The following BCL11B variants were observed in gnomAD, a reference collection of about 807,000 sequenced individuals.
BCL11B encodes the protein B-cell lymphoma/leukemia 11B.
In BCL11B, 8 loss-of-function variants were observed where a neutral mutation model predicts 49.9. The observed-to-expected ratio is 0.16, with a 90% confidence interval of 0.09 to 0.29. The LOEUF is 0.29. Ranked by LOEUF, BCL11B falls within the 10% of genes least tolerant of loss-of-function variation. BCL11B has a pLI of 1.00. For missense variants in BCL11B, 1,006 were observed against 1,351.0 expected, an observed-to-expected ratio of 0.74 and a Z score of 4.00; for synonymous variants, 739 against 637.4, an observed-to-expected ratio of 1.16 and a Z score of -2.40.
chr14:99,255,417 A>G (rs1889130663), intron 2 of BCL11B, among the ~76,000 whole-genome samples: 2 of 145,926 alleles, frequency 1.4e-5, no homozygotes, highest in South Asian at 2.2e-4. Context: ...AAAAAAAAAA[A>G]AAAAAAAAAA....
chr14:99,176,598 G>A (rs1886541405), intron 3 of BCL11B, among the ~76,000 whole-genome samples: 1 of 152,228 alleles, frequency 6.6e-6, no homozygotes, highest in Non-Finnish European at 1.5e-5. Context: ...CAGCCCTCGA[G>A]GATGCTCCAC....
At chr14:99,209,263 G>C (rs964994908) in intron 3 of BCL11B, among the ~76,000 whole-genome samples, 1 of 152,066 alleles carries the variant, frequency 6.6e-6, no homozygotes, top group Middle Eastern at 3.2e-3. Context: ...GGCTGGGGAG[G>C]GGGTTCCATC....
chr14:99,203,142 A>G (rs1474030059), intron 3 of BCL11B, among the ~76,000 whole-genome samples: 1 of 152,182 alleles, frequency 6.6e-6, no homozygotes, highest in Non-Finnish European at 1.5e-5. Flanking sequence ...CAGATCTGGA[A>G]GGCAAGGGCT....
intron 2 of BCL11B, among the ~76,000 whole-genome samples, chr14:99,255,431 A>AAAAAAC (rs1313654410): frequency 9.0e-6 from 1 of 111,372 alleles, no homozygotes; most frequent in Non-Finnish European, 1.9e-5. Flanking sequence ...AAAAAAAAAA[A>AAAAAAC]AAAACAGGGG....
At chr14:99,263,657 C>T (rs1226144060) in intron 1 of BCL11B, among the ~76,000 whole-genome samples, 1 of 152,238 alleles carries the variant, frequency 6.6e-6, no homozygotes, top group African/African-American at 2.4e-5. Context: ...GAAAAATATC[C>T]TCAGTTGCTC....
chr14:99,184,414 G>A lies in BCL11B; in HGVS notation c.641-8219C>T, dbSNP rs1390991951. Among the ~76,000 whole-genome samples, 5 of 152,288 alleles carry A rather than the reference G, an allele frequency of 3.3e-5. No individual in the cohort carries two copies. The highest frequency in any genetic ancestry group is 4.1e-4 in the South Asian group (2 of 4,828). On this transcript the variant is annotated intron_variant, in intron 3 of 3. Transcript: ENST00000357195. This position sits in a 1 kb window ranked among gnomAD's most constrained non-coding sequence, Gnocchi z 6.1. Reference sequence around the variant, plus strand: ...TGTTCAGCATGGCTACAGCCTGCACGTGCCAATGTTGGCCTTTTGCTGTCA... The same window carrying A: ...TGTTCAGCATGGCTACAGCCTGCACATGCCAATGTTGGCCTTTTGCTGTCA...
In BCL11B at chr14:99,195,506, G is replaced by T. The variant is rs533280504; in HGVS notation, c.641-19311C>A. Among the ~76,000 whole-genome samples, 1 of 152,134 alleles carries T rather than the reference G, an allele frequency of 6.6e-6. No homozygotes were observed. The highest frequency in any genetic ancestry group is 1.9e-4 in the East Asian group (1 of 5,170). On this transcript the variant is annotated intron_variant, in intron 3 of 3. Coordinates refer to ENST00000357195, the MANE Select transcript of BCL11B (RefSeq NM_138576.4). The surrounding 1 kb of genome is among the most constrained non-coding windows in gnomAD (Gnocchi z 4.7). ...CTGGGCTTTGCACCCCCAAAACAAT[G>T]GCTGGCCCTTGCTGAGCACTTGCTG...
At chr14:99,211,066 T>C (rs945923398) in intron 3 of BCL11B, among the ~76,000 whole-genome samples, 1 of 152,168 alleles carries the variant, frequency 6.6e-6, no homozygotes, top group Non-Finnish European at 1.5e-5. Flanking sequence ...GGCCTGCAGA[T>C]GCGGGCCCCG....
rs867365503 is a variant in BCL11B at position 99,205,022 on chromosome 14, C to G, written c.640+26323G>C. 6.6e-6 allele frequency among the ~76,000 whole-genome samples: 1 copy of G among 152,170 alleles called. No homozygotes were observed. The highest frequency in any genetic ancestry group is 2.4e-5 in the African/African-American group (1 of 41,444). On this transcript the variant is annotated intron_variant, in intron 3 of 3. Transcript: ENST00000357195. The surrounding 1 kb of genome is among the most constrained non-coding windows in gnomAD (Gnocchi z 5.0). ...GGATGGAGGGGTACCTGGGACAGGA[C>G]AGGCGGACCAGGTCCCAGATCACCT...
intron 3 of BCL11B, among the ~76,000 whole-genome samples, chr14:99,215,117 T>G (rs1253941171): frequency 9.6e-6 from 1 of 103,812 alleles, no homozygotes; most frequent in African/African-American, 3.7e-5. Context: ...CACCCTGCAA[T>G]GAAGAACAGA....
chr14:99,183,700 G>T (rs890837058), intron 3 of BCL11B, among the ~76,000 whole-genome samples: 2 of 152,040 alleles, frequency 1.3e-5, no homozygotes, highest in Admixed American at 1.3e-4. Context: ...GGGTACACGG[G>T]AGGTGACAGA....
chr14:99,211,377 G>A (rs970004096), intron 3 of BCL11B, among the ~76,000 whole-genome samples: 5 of 152,206 alleles, frequency 3.3e-5, no homozygotes, highest in Non-Finnish European at 7.3e-5. Context: ...GTACTTGGGT[G>A]TTGTCTGGGC....
chr14:99,212,053 T>C (rs1364970255), intron 3 of BCL11B, among the ~76,000 whole-genome samples: 1 of 151,768 alleles, frequency 6.6e-6, no homozygotes, highest in African/African-American at 2.4e-5. Context: ...GCTTCTCCCA[T>C]CCTGCCCACC....
chr14:99,231,331 G>C lies in BCL11B; in HGVS notation c.640+14C>G. 4.4e-6 allele frequency: 7 copies of C among 1,607,670 alleles called. No homozygotes were observed. The highest frequency in any genetic ancestry group is 5.9e-6 in the Non-Finnish European group (7 of 1,177,926). On this transcript the variant is annotated intron_variant, in intron 3 of 3. Transcript: ENST00000357195. The surrounding 1 kb of genome is among the most constrained non-coding windows in gnomAD (Gnocchi z 8.1). Reference sequence around the variant, plus strand: ...TCCCGGGGGCCCGCCCCCCACCGCGGCGTCGTCTGTTACCTGACAACTGAC... The same window carrying C: ...TCCCGGGGGCCCGCCCCCCACCGCGCCGTCGTCTGTTACCTGACAACTGAC...
intron 3 of BCL11B, among the ~76,000 whole-genome samples, chr14:99,223,523 C>T (rs188323150): frequency 1.3e-5 from 2 of 152,282 alleles, no homozygotes; most frequent in East Asian, 1.9e-4. Flanking sequence ...TCCAGGTGAC[C>T]TTCAATTCAC....
In BCL11B at chr14:99,264,471, A is replaced by G. The variant is rs1470003598; in HGVS notation, c.59-6632T>C. On this transcript the variant is annotated intron_variant, in intron 1 of 3. Coordinates refer to ENST00000357195, the MANE Select transcript of BCL11B (RefSeq NM_138576.4). ...AATAAAATAAGTGGAAGGGGGCCAT[A>G]AAAAAGAAGTTATGTAAAAGAGAGG... The G allele has an allele frequency of 4.6e-5, 7 of 151,106 alleles. No homozygotes were observed. The Admixed American group carries it at 4.7e-4, about 10-fold the overall frequency. 9.4% of individuals were successfully genotyped at this position (151,106 alleles called of 1,614,324 possible).
chr14:99,231,698 C>A lies in BCL11B; in HGVS notation c.428-141G>T. The A allele has an allele frequency of 1.2e-6, 1 of 832,916 alleles. No individual in the cohort carries two copies. The allele number at this position is 832,916 out of a possible 1,614,324, so 51.6% of individuals were successfully genotyped here. ...GAGGCCCCCGGGGTGCCAGGCCCTG[C>A]AGGGAAGGCAATCGGGACACAGGCG... On this transcript the variant is annotated intron_variant, in intron 2 of 3. Transcript: ENST00000357195. The surrounding 1 kb of genome is among the most constrained non-coding windows in gnomAD (Gnocchi z 8.1).
rs201962171 is a variant in BCL11B, at chr14:99,173,565, T to C, written c.*586A>G. ...CCAAAAACAAAAACCAAAAAAAAAA[T>C]TAAAAAATAATTAAAAAAAAAACTG... is the stretch of plus-strand genomic sequence containing the variant. On this transcript the variant is annotated 3_prime_UTR_variant, in exon 4 of 4. Transcript: ENST00000357195. 3.5e-5 allele frequency: 5 copies of C among 143,444 alleles called. No individual in the cohort carries two copies. Among genetic ancestry groups the C allele is most frequent in the Non-Finnish European group, 5.6e-5 (4 of 71,118 alleles). 8.9% of individuals were successfully genotyped at this position (143,444 alleles called of 1,614,324 possible).
rs188028688 is a variant in BCL11B, at chr14:99,194,184, G to A, written c.641-17989C>T. Among the ~76,000 whole-genome samples the A allele has an allele frequency of 4.4e-4, 67 of 152,220 alleles. 1 individual carries two copies. Among genetic ancestry groups the A allele is most frequent in the African/African-American group, 1.6e-3 (67 of 41,528 alleles). ...TCAGGAAGCTCAGGGCAGGTGACAG[G>A]GCGACCACCTGGACACCTGTCCTCC... On this transcript the variant is annotated intron_variant, in intron 3 of 3. Coordinates refer to ENST00000357195, the MANE Select transcript of BCL11B (RefSeq NM_138576.4). This position sits in a 1 kb window ranked among gnomAD's most constrained non-coding sequence, Gnocchi z 4.6.
Sources: gnomAD v4.1 joint callset for allele counts (sites outside exome capture counted in the v4.1 genomes callset) on GRCh38, gnomAD v4.1.1 for gene constraint, Gnocchi (gnomAD v3.1) non-coding constraint, MANE v1.5 for transcripts, NCBI Gene and HGNC (gene_info 2026-07-23, HGNC 2026-07-21) for gene names.